Variants in DENND1A observed in about 807,000 individuals in gnomAD.
The protein encoded by DENND1A is DENN domain-containing protein 1A.
Under a neutral mutation model 113.7 loss-of-function variants are expected in DENND1A, and 51 were observed. The observed-to-expected ratio is 0.45, with a 90% CI of 0.36 to 0.57. DENND1A has a LOEUF of 0.57. Ranked by LOEUF, DENND1A falls within the 20% of genes least tolerant of loss-of-function variation. The pLI is 0.00. For missense variants in DENND1A, 1,258 were observed against 1,395.9 expected, an observed-to-expected ratio of 0.90 and a Z score of 1.57; for synonymous variants, 565 against 570.8, an observed-to-expected ratio of 0.99 and a Z score of 0.14.
chr9:123,825,296 G>A (rs1839135826), intron 2 of DENND1A, among the ~76,000 whole-genome samples: 1 of 150,582 alleles, frequency 6.6e-6, no homozygotes, highest in Non-Finnish European at 1.5e-5. Context: ...TGGGAACACT[G>A]ATGACACAGC....
At chr9:123,644,515 A>C (rs2062206006) in intron 9 of DENND1A, among the ~76,000 whole-genome samples, 2 of 150,462 alleles carry the variant, frequency 1.3e-5, no homozygotes, top group Middle Eastern at 3.4e-3. Context: ...GGCTCTTTAC[A>C]AGAATTTTCA....
Position 123,445,059 on chromosome 9 carries a change from AT to A in DENND1A, c.1357-4569del, listed in dbSNP as rs11346830. On this transcript the variant is annotated intron_variant, in intron 18 of 23. Coordinates refer to ENST00000394215, the MANE Select transcript of DENND1A (RefSeq NM_001352964.2). ...GTCAGAAAGTCATTGTATTCCTATT[AT>A]TTTCCTTGAGTGTTTACTGGAATCA... Among the ~76,000 whole-genome samples, 904 of 152,174 alleles carry A rather than the reference AT, an allele frequency of 5.9e-3. 11 individuals are homozygous for A. Among genetic ancestry groups the A allele is most frequent in the African/African-American group, 0.021 (860 of 41,504 alleles).
intron 13 of DENND1A, among the ~76,000 whole-genome samples, chr9:123,521,580 C>A (rs73569788): frequency 0.032 from 4,887 of 152,250 alleles, 273 homozygotes; most frequent in African/African-American, 0.11. Flanking sequence ...TTTCATGATT[C>A]CTTAAAGAAG....
At chr9:123,882,322 C>CAAAAAAAAAAAAAAAAAAAAAAAAAAA (rs59820553) in intron 1 of DENND1A, among the ~76,000 whole-genome samples, 1 of 124,396 alleles carries the variant, frequency 8.0e-6, no homozygotes, top group Non-Finnish European at 1.8e-5. Flanking sequence ...AACCTTGTTT[C>CAAAAAAAAAAAAAAAAAAAAAAAAAAA]AAAAAAAAAA....
chr9:123,825,148 T>C (rs936282195), intron 2 of DENND1A, among the ~76,000 whole-genome samples: 4 of 152,132 alleles, frequency 2.6e-5, no homozygotes, highest in South Asian at 2.1e-4. Context: ...TTTGGTACCA[T>C]GGTTTCTTAT....
chr9:123,637,961 A>G (rs1324876276), intron 9 of DENND1A, among the ~76,000 whole-genome samples: 1 of 151,344 alleles, frequency 6.6e-6, no homozygotes, highest in East Asian at 1.9e-4. Context: ...GCGCACACAC[A>G]CACACACACA....
intron 23 of DENND1A, 86 bp from the exon 24 acceptor site, chr9:123,382,711 A>ATTCCC: frequency 3.6e-6 from 5 of 1,399,976 alleles, no homozygotes; most frequent in Non-Finnish European, 4.9e-6. Flanking sequence ...CTGTGTGCTG[A>ATTCCC]ATGTGTGCTG....
chr9:123,553,369 G>A lies in DENND1A; in HGVS notation c.993+4201C>T, dbSNP rs115976006. On this transcript the variant is annotated intron_variant, in intron 13 of 23. Transcript: ENST00000394215. ...CAGGAACTTGACAGAAATCTCTGAG[G>A]GGGGCCTGGACATTTGCCTTTTTAA... Among the ~76,000 whole-genome samples, 755 of 151,578 alleles carry A rather than the reference G, an allele frequency of 5.0e-3. 7 individuals carry two copies. The highest frequency in any genetic ancestry group is 0.017 in the African/African-American group (720 of 41,206).
intron 11 of DENND1A, among the ~76,000 whole-genome samples, chr9:123,598,585 T>C (rs546303669): frequency 9.9e-5 from 15 of 152,150 alleles, no homozygotes; most frequent in Non-Finnish European, 1.8e-4. Flanking sequence ...AAATTGACTG[T>C]TTTCAGTTCC....
chr9:123,872,836 C>A (rs1846859222), intron 2 of DENND1A, among the ~76,000 whole-genome samples: 1 of 152,086 alleles, frequency 6.6e-6, no homozygotes, highest in Non-Finnish European at 1.5e-5. Flanking sequence ...GTTTATAGAA[C>A]AAAATGTATA....
chr9:123,475,031 T>A (rs1436599465), intron 13 of DENND1A, among the ~76,000 whole-genome samples: 1 of 152,164 alleles, frequency 6.6e-6, no homozygotes, highest in Non-Finnish European at 1.5e-5. Context: ...TTAATTTATT[T>A]TTTTTTGAGA....
At chr9:123,840,963 G>T (rs1050926585) in intron 2 of DENND1A, among the ~76,000 whole-genome samples, 2 of 152,272 alleles carry the variant, frequency 1.3e-5, no homozygotes, top group Admixed American at 6.5e-5. Context: ...CTGCTGCTTG[G>T]AATTTCATCC....
chr9:123,720,002 T>C (rs895121651), intron 5 of DENND1A, among the ~76,000 whole-genome samples: 1 of 152,202 alleles, frequency 6.6e-6, no homozygotes, highest in Non-Finnish European at 1.5e-5. Flanking sequence ...CTGCTCTCCT[T>C]TCACCATGCC....
chr9:123,731,822 A>G (rs2068195543), intron 5 of DENND1A, among the ~76,000 whole-genome samples: 1 of 152,246 alleles, frequency 6.6e-6, no homozygotes, highest in African/African-American at 2.4e-5. Context: ...TTTGCAAATC[A>G]TATATCTGAA....
At chr9:123,437,685 T>C in intron 19 of DENND1A, 1 of 151,468 alleles carries the variant, frequency 6.6e-6, no homozygotes. Context: ...CGAGAGGAGG[T>C]GTCTGGGCTT....
At chr9:123,818,432 C>A (rs751235300) in intron 2 of DENND1A, among the ~76,000 whole-genome samples, 1 of 151,698 alleles carries the variant, frequency 6.6e-6, no homozygotes, top group African/African-American at 2.4e-5. Context: ...GGTTGAGTAT[C>A]CCTTATCCGA....
In DENND1A at chr9:123,413,907, G is replaced by A. The variant is rs529687817; in HGVS notation, c.1489-2078C>T. 112 of 985,632 alleles carry A rather than the reference G, an allele frequency of 1.1e-4. 1 individual carries two copies. The African/African-American group carries it at 1.7e-3, about 15-fold the overall frequency. 61.1% of individuals were successfully genotyped at this position (985,632 alleles called of 1,614,324 possible). A position where few individuals can be genotyped will look rare whatever the true frequency, so the allele number is the denominator to read the frequency against. The stretch of plus-strand genomic sequence containing the variant: ...AGGGGAGCCCACCCCCTCCACCGGT[G>A]CACAGGCTGCTACCCTGTCTAGACA... On this transcript the variant is annotated intron_variant, in intron 19 of 23. Coordinates refer to ENST00000394215, the MANE Select transcript of DENND1A (RefSeq NM_001352964.2).
rs549914418 is a variant in DENND1A at position 123,475,106 on chromosome 9, C to T, written c.994-17209G>A. On this transcript the variant is annotated intron_variant, in intron 13 of 23. Coordinates refer to ENST00000394215, the MANE Select transcript of DENND1A (RefSeq NM_001352964.2). ...CGATCTCAGCTCACTGCAGCCTCTG[C>T]CTCCTGGGTTCAAGTGGTTCTCCTG... Among the ~76,000 whole-genome samples, 3 of 152,214 alleles carry T rather than the reference C, an allele frequency of 2.0e-5. No individual in the cohort carries two copies. The South Asian group carries it at 6.2e-4, about 32-fold the overall frequency.
At chr9:123,442,258 T>A (rs1419159590) in intron 18 of DENND1A, among the ~76,000 whole-genome samples, 2 of 152,182 alleles carry the variant, frequency 1.3e-5, no homozygotes, top group Non-Finnish European at 2.9e-5. Context: ...AGGGAGATGA[T>A]GACCTCCTGG....
Sources: gnomAD v4.1 joint callset for allele counts (sites outside exome capture counted in the v4.1 genomes callset) on GRCh38, gnomAD v4.1.1 for gene constraint, MANE v1.5 for transcripts, NCBI Gene and HGNC (gene_info 2026-07-23, HGNC 2026-07-21) for gene names.